Variants in HCN1 observed in about 807,000 individuals in gnomAD.
HCN1 encodes potassium/sodium hyperpolarization-activated cyclic nucleotide-gated channel 1.
In HCN1, 13 loss-of-function variants were observed where a neutral mutation model predicts 78.9. The observed-to-expected ratio is 0.16, with a 90% CI of 0.11 to 0.26. The LOEUF is 0.26. Among genes scored for constraint, HCN1 ranks in the 10% least tolerant of loss-of-function variants. HCN1 has a pLI of 1.00. For missense variants in HCN1, 810 were observed against 1,154.3 expected (o/e 0.70, Z 4.32); for synonymous variants, 552 against 455.5 (o/e 1.21, Z -2.70).
intron 6 of HCN1, among the ~76,000 whole-genome samples, chr5:45,296,509 T>C (rs983559526): frequency 6.6e-6 from 1 of 151,898 alleles, no homozygotes; most frequent in Non-Finnish European, 1.5e-5. Flanking sequence ...ATAAATATAT[T>C]AGAATAGAAG....
At chr5:45,480,407 A>T (rs1379098682) in intron 2 of HCN1, among the ~76,000 whole-genome samples, 1 of 152,212 alleles carries the variant, frequency 6.6e-6, no homozygotes, top group Non-Finnish European at 1.5e-5. Flanking sequence ...TTTTTAAATA[A>T]CAATTGCAAT....
intron 3 of HCN1, among the ~76,000 whole-genome samples, chr5:45,435,274 C>T (rs1740539775): frequency 6.6e-6 from 1 of 152,034 alleles, no homozygotes; most frequent in South Asian, 2.1e-4. Context: ...TGCATGTTAT[C>T]ATGGTATTTT....
intron 1 of HCN1, among the ~76,000 whole-genome samples, chr5:45,649,673 T>C (rs925361627): frequency 3.3e-5 from 5 of 152,140 alleles, no homozygotes; most frequent in African/African-American, 1.2e-4. Context: ...TCTTCCATCA[T>C]TACTGATTCA....
At chr5:45,300,460 G>T (rs958227966) in intron 6 of HCN1, among the ~76,000 whole-genome samples, 1 of 151,806 alleles carries the variant, frequency 6.6e-6, no homozygotes, top group Non-Finnish European at 1.5e-5. Flanking sequence ...TTATTATGAT[G>T]ATCTATTTAT....
At chr5:45,372,377 TTA>T (rs1229539290) in intron 4 of HCN1, among the ~76,000 whole-genome samples, 1 of 112,562 alleles carries the variant, frequency 8.9e-6, no homozygotes, top group Non-Finnish European at 1.6e-5. Flanking sequence ...AACATATATA[TTA>T]TATAAATATG....
chr5:45,437,384 C>A (rs1012982213), intron 3 of HCN1, among the ~76,000 whole-genome samples: 8 of 152,090 alleles, frequency 5.3e-5, no homozygotes, highest in Non-Finnish European at 1.2e-4. Context: ...TTTACATTTT[C>A]TCAGTAATAT....
chr5:45,286,905 T>C (rs1745279823), intron 6 of HCN1, among the ~76,000 whole-genome samples: 2 of 152,038 alleles, frequency 1.3e-5, no homozygotes, highest in Non-Finnish European at 2.9e-5. Context: ...TGTTTTCTAC[T>C]TTATTATTTT....
chr5:45,394,191 G>A (rs1739639979), intron 4 of HCN1, among the ~76,000 whole-genome samples: 1 of 152,128 alleles, frequency 6.6e-6, no homozygotes, highest in Non-Finnish European at 1.5e-5. Context: ...AATAGTCTGC[G>A]AACGCTGGAG....
chr5:45,554,333 T>C (rs1743429238), intron 2 of HCN1, among the ~76,000 whole-genome samples: 1 of 151,860 alleles, frequency 6.6e-6, no homozygotes, highest in Admixed American at 6.6e-5. Flanking sequence ...AGTTCCCTTA[T>C]AATCCAAATA....
At chr5:45,550,197 C>G (rs571791113) in intron 2 of HCN1, among the ~76,000 whole-genome samples, 1 of 152,204 alleles carries the variant, frequency 6.6e-6, no homozygotes, top group Non-Finnish European at 1.5e-5. Context: ...CACATGCACA[C>G]GTATGTTTAT....
chr5:45,399,146 ACGACTGCCTTTGTTGCTGCTGCT>A (rs1739745796), intron 3 of HCN1, among the ~76,000 whole-genome samples: 1 of 152,150 alleles, frequency 6.6e-6, no homozygotes, highest in Non-Finnish European at 1.5e-5. Flanking sequence ...TTCATCTCTC[ACGACTGCCTTTGTTGCTGCTGCT>A]TCTCCTGCTG....
At chr5:45,516,310 TA>T (rs1349083290) in intron 2 of HCN1, among the ~76,000 whole-genome samples, 1 of 151,904 alleles carries the variant, frequency 6.6e-6, no homozygotes, top group Admixed American at 6.6e-5. Flanking sequence ...TATTCTGGAG[TA>T]AAACTTTTGA....
intron 2 of HCN1, among the ~76,000 whole-genome samples, chr5:45,548,833 G>A (rs1743290182): frequency 6.6e-6 from 1 of 151,802 alleles, no homozygotes; most frequent in South Asian, 2.1e-4. Context: ...AAAATCACAA[G>A]CATTCTTATA....
intron 2 of HCN1, among the ~76,000 whole-genome samples, chr5:45,609,488 ATAG>A (rs1263424757): frequency 2.6e-5 from 4 of 152,108 alleles, no homozygotes; most frequent in Non-Finnish European, 4.4e-5. Flanking sequence ...CTGTCTCACA[ATAG>A]TAGGATAAAT....
chr5:45,392,975 G>T (rs981188273), intron 4 of HCN1, among the ~76,000 whole-genome samples: 1 of 152,042 alleles, frequency 6.6e-6, no homozygotes, highest in Non-Finnish European at 1.5e-5. Context: ...TGGTGGCTTG[G>T]TATCTTGTGC....
chr5:45,448,263 A>C (rs1740839858), intron 3 of HCN1, among the ~76,000 whole-genome samples: 1 of 152,220 alleles, frequency 6.6e-6, no homozygotes, highest in Admixed American at 6.5e-5. Flanking sequence ...GGTGCAATTC[A>C]CATAAGCCAG....
In HCN1 at chr5:45,548,294, A is replaced by T. The variant is rs531244485; in HGVS notation, c.850-86287T>A. Among the ~76,000 whole-genome samples, 377 of 152,080 alleles carry T rather than the reference A, an allele frequency of 2.5e-3. 1 individual carries two copies. Among genetic ancestry groups the T allele is most frequent in the Non-Finnish European group, 3.4e-3 (230 of 67,940 alleles). On this transcript the variant is annotated intron_variant, in intron 2 of 7. Coordinates refer to ENST00000303230, the MANE Select transcript of HCN1 (RefSeq NM_021072.4). ...TCAATGCCCTAAATATAGAGTAAGAATTCAATGAATATACTTTATGTAAAT... is the reference window on the plus strand; with the variant it reads ...TCAATGCCCTAAATATAGAGTAAGATTTCAATGAATATACTTTATGTAAAT...
intron 4 of HCN1, among the ~76,000 whole-genome samples, chr5:45,359,809 G>T (rs895902631): frequency 2.0e-5 from 3 of 151,750 alleles, no homozygotes; most frequent in Non-Finnish European, 2.9e-5. Context: ...ACATATCTGA[G>T]TGTCAATTTA....
intron 2 of HCN1, among the ~76,000 whole-genome samples, chr5:45,547,721 C>T (rs2111845816): frequency 6.6e-6 from 1 of 151,922 alleles, no homozygotes; most frequent in Non-Finnish European, 1.5e-5. Context: ...TTTTTTAATA[C>T]ATCAGAGATA....
Sources: allele counts gnomAD v4.1 joint callset (sites outside exome capture counted in the v4.1 genomes callset), GRCh38; gene constraint gnomAD v4.1.1; transcripts MANE v1.5; gene names NCBI Gene and HGNC (gene_info 2026-07-23, HGNC 2026-07-21).